MCM5: variants seen among roughly 807,000 people sequenced by gnomAD.
The protein encoded by MCM5 is minichromosome maintenance complex component 5, also known as DNA replication licensing factor MCM5.
Under a neutral mutation model 79.9 loss-of-function variants are expected in MCM5, and 46 were observed. The observed-to-expected ratio is 0.58, with a 90% confidence interval of 0.45 to 0.74. The LOEUF (loss-of-function observed/expected upper bound fraction) is 0.74. Ranked by LOEUF, MCM5 falls within the 30% of genes least tolerant of loss-of-function variation. The probability of loss-of-function intolerance (pLI) is 0.00; values close to 1 mark genes in which losing one functional copy is unlikely to be tolerated. For synonymous variants in MCM5, 404 were observed against 390.5 expected (o/e 1.03, Z -0.41); for missense variants, 883 against 1,017.0 (o/e 0.87, Z 1.79).
At chr22:35,406,523 C>A in intron 4 of MCM5, 30 bp from the exon 5 acceptor site, 1 of 1,598,922 alleles carries the variant, frequency 6.3e-7, no homozygotes. Context: ...CTCCCCTTAA[C>A]CAACAAGCTT....
At chr22:35,435,218 C>T in the MCM5 span, among the ~76,000 whole-genome samples, 1 of 152,186 alleles carries the variant, frequency 6.6e-6, no homozygotes. Context: ...GAATACAGGC[C>T]TCCCAATTTG....
rs1188508080 is a variant in MCM5 at position 35,403,394 on chromosome 22, G to T, written c.295-20G>T. ...GCTCTGCCCCAGTTACTAATAGCCT[G>T]TGCCCTTCCCTTTCTCCAGCTGGAG... On this transcript the variant is annotated intron_variant, in intron 3 of 16. Coordinates refer to ENST00000216122, the MANE Select transcript of MCM5 (RefSeq NM_006739.4). 2 of 1,614,062 alleles carry T rather than the reference G, an allele frequency of 1.2e-6. No homozygotes were observed. Among genetic ancestry groups the T allele is most frequent in the African/African-American group, 1.3e-5 (1 of 74,934 alleles).
chr22:35,401,282 C>T, intron 2 of MCM5: 1 of 416,400 alleles, frequency 2.4e-6, no homozygotes, highest in South Asian at 1.8e-5. Context: ...ATGTCTGAGA[C>T]CTTACAAACT....
chr22:35,452,579 CGGGCAGGGCA>C, the MCM5 span, among the ~76,000 whole-genome samples: 4 of 152,140 alleles, frequency 2.6e-5, no homozygotes, highest in Non-Finnish European at 2.9e-5. Context: ...CGTCTGGCAG[CGGGCAGGGCA>C]GGGCAGGGCA....
chr22:35,431,257 C>T, the MCM5 span, among the ~76,000 whole-genome samples: 12 of 152,142 alleles, frequency 7.9e-5, no homozygotes, highest in East Asian at 1.9e-4. Flanking sequence ...CATGCTCCAG[C>T]GGAAGTGGGT....
intron 15 of MCM5, 178 bp downstream of exon 15, chr22:35,421,638 G>T (rs766128417): frequency 3.8e-6 from 3 of 798,578 alleles, no homozygotes; most frequent in Non-Finnish European, 6.3e-6. Flanking sequence ...CCCCACCGCT[G>T]TTTCCTCCAA....
intron 10 of MCM5, 93 bp downstream of exon 10, chr22:35,416,065 G>A (rs181538979): frequency 1.1e-5 from 16 of 1,481,660 alleles, no homozygotes; most frequent in African/African-American, 9.7e-5. Context: ...CCTCTGACTT[G>A]GGAGACATGT....
chr22:35,417,944 C>G, intron 13 of MCM5, 88 bp downstream of exon 13: 1 of 852,858 alleles, frequency 1.2e-6, no homozygotes, highest in South Asian at 1.4e-5. Context: ...TGCTCCTCCT[C>G]ATGAAGAACA....
the MCM5 span, among the ~76,000 whole-genome samples, chr22:35,443,151 C>T: frequency 6.6e-6 from 1 of 152,214 alleles, no homozygotes; most frequent in East Asian, 1.9e-4. Flanking sequence ...ATTCGATTGC[C>T]ACATGAGCAT....
chr22:35,434,550 A>G, the MCM5 span, among the ~76,000 whole-genome samples: 4 of 152,374 alleles, frequency 2.6e-5, no homozygotes, highest in Middle Eastern at 0.01. Context: ...GGTCAGGTCC[A>G]GATCATTTCC....
At chr22:35,423,027 T>C in intron 15 of MCM5, 187 bp from the exon 16 acceptor site, 1 of 466,438 alleles carries the variant, frequency 2.1e-6, no homozygotes, top group Non-Finnish European at 3.7e-6. Flanking sequence ...TGGCCTGGAG[T>C]GTCCCCACAT....
At chr22:35,415,091 G>A (rs1321513775) in intron 9 of MCM5, among the ~76,000 whole-genome samples, 1 of 151,752 alleles carries the variant, frequency 6.6e-6, no homozygotes, top group Non-Finnish European at 1.5e-5. Flanking sequence ...GTGCGGTTGT[G>A]TGCATACCTG....
At chr22:35,446,148 A>G in the MCM5 span, among the ~76,000 whole-genome samples, 2 of 152,272 alleles carry the variant, frequency 1.3e-5, no homozygotes, top group Non-Finnish European at 2.9e-5. Context: ...AAAACTCAGC[A>G]TAATGATGGA....
chr22:35,411,004 C>CAGCTCGTTACCTCATGAGTTACTTCATG, intron 7 of MCM5, 94 bp downstream of exon 7: 1 of 1,193,306 alleles, frequency 8.4e-7, no homozygotes, highest in Non-Finnish European at 1.2e-6. Context: ...TGAGGTAGCC[C>CAGCTCGTTACCTCATGAGTTACTTCATG]AGGATGTCCT....
At chr22:35,441,652 C>T in the MCM5 span, among the ~76,000 whole-genome samples, 1 of 152,004 alleles carries the variant, frequency 6.6e-6, no homozygotes, top group Non-Finnish European at 1.5e-5. Context: ...GATGGAAGGG[C>T]AGAGGAGGAC....
At chr22:35,417,925 C>A in intron 13 of MCM5, 69 bp downstream of exon 13, 1 of 1,046,600 alleles carries the variant, frequency 9.6e-7, no homozygotes, top group Non-Finnish European at 1.5e-6. Flanking sequence ...GAACCCAGTC[C>A]CCTGGTCCTG....
At chr22:35,428,448 A>C (rs961003735), downstream of MCM5, among the ~76,000 whole-genome samples, 2 of 152,024 alleles carry the variant, frequency 1.3e-5, no homozygotes, top group Non-Finnish European at 2.9e-5. Flanking sequence ...GGTGTGAGCC[A>C]CTGCACCAGC....
the MCM5 span, among the ~76,000 whole-genome samples, chr22:35,452,674 C>T: frequency 3.2e-4 from 48 of 152,298 alleles, no homozygotes; most frequent in African/African-American, 1.1e-3. Context: ...GTTGACTCTG[C>T]AGCTCCTGGT....
intron 12 of MCM5, 38 bp downstream of exon 12, chr22:35,416,852 C>T (rs752717494): frequency 5.6e-6 from 9 of 1,601,432 alleles, no homozygotes; most frequent in Non-Finnish European, 7.7e-6. Flanking sequence ...ATGGGACCTG[C>T]CTCCAGGCAG....
Sources: gnomAD v4.1 joint callset for allele counts (sites outside exome capture counted in the v4.1 genomes callset) on GRCh38, gnomAD v4.1.1 for gene constraint, MANE v1.5 for transcripts, NCBI Gene and HGNC (gene_info 2026-07-23, HGNC 2026-07-21) for gene names.